NNT: variants seen among roughly 807,000 people sequenced by gnomAD.
The protein encoded by NNT is nicotinamide nucleotide transhydrogenase.
Under a neutral mutation model 104.8 loss-of-function variants are expected in NNT, and 50 were observed. The ratio of observed to expected loss-of-function variants is 0.48; its 90% CI spans 0.38 to 0.60. NNT has a LOEUF of 0.60. Ranked by LOEUF, NNT falls within the 20% of genes least tolerant of loss-of-function variation. NNT has a pLI of 0.00. For synonymous variants in NNT, 461 were observed against 490.4 expected, an observed-to-expected ratio of 0.94 and a Z score of 0.79; for missense variants, 1,131 against 1,330.7, an observed-to-expected ratio of 0.85 and a Z score of 2.33.
At chr5:43,692,901 G>A (rs1287295684) in intron 19 of NNT, among the ~76,000 whole-genome samples, 2 of 152,060 alleles carry the variant, frequency 1.3e-5, no homozygotes, top group African/African-American at 4.8e-5. Context: ...TGCCTTTAAA[G>A]CCATGTGTTT....
intron 1 of NNT, among the ~76,000 whole-genome samples, chr5:43,606,067 A>G (rs1216035306): frequency 1.3e-5 from 2 of 152,148 alleles, no homozygotes; most frequent in African/African-American, 2.4e-5. Context: ...TGCTTTTTTT[A>G]TAGTTGAGCT....
At chr5:43,640,817 CAT>C (rs1025470240) in intron 7 of NNT, among the ~76,000 whole-genome samples, 58 of 150,296 alleles carry the variant, frequency 3.9e-4, no homozygotes, top group African/African-American at 1.2e-3. Flanking sequence ...TCATATATAT[CAT>C]ATATACACAT....
rs1300082995 is a variant in NNT at position 43,613,131 on chromosome 5, G to A, written c.375G>A (p.Val125=). ...GAKEVLASDL[V]VKVRAPMVNP... ...AGGAAGTGCTGGCTTCTGATTTGGTGGTCAAAGTAATTATTCCTTTTTCCT... is the reference window on the plus strand; with the variant it reads ...AGGAAGTGCTGGCTTCTGATTTGGTAGTCAAAGTAATTATTCCTTTTTCCT... Residue 125 remains valine, a synonymous_variant, in exon 3 of 22, where the codon GTG becomes GTA. Coordinates refer to ENST00000344920, the MANE Select transcript of NNT (RefSeq NM_182977.3). 6.2e-7 allele frequency: 1 copy of A among 1,609,998 alleles called. No individual in the cohort carries two copies. Among genetic ancestry groups the A allele is most frequent in the African/African-American group, 1.3e-5 (1 of 74,750 alleles).
Position 43,666,954 on chromosome 5 carries a change from G to A in NNT, c.2634+7604G>A, listed in dbSNP as rs183505438. On this transcript the variant is annotated intron_variant, in intron 17 of 21. Transcript: ENST00000344920. ...GGTGGGCAATGTAGGCAAGTGGATC[G>A]AGCTTGCGGCTGACACCCTTTGGGA... The A allele has an allele frequency of 8.7e-3, 13,808 of 1,588,932 alleles. 75 individuals carry two copies. The highest frequency in any genetic ancestry group is 1.0e-2 in the Non-Finnish European group (11,699 of 1,172,818).
chr5:43,657,916 C>T (rs1740140746), intron 16 of NNT, among the ~76,000 whole-genome samples: 1 of 152,040 alleles, frequency 6.6e-6, no homozygotes, highest in Non-Finnish European at 1.5e-5. Flanking sequence ...GGGTGGATCA[C>T]CTGAGGTCAG....
intron 4 of NNT, among the ~76,000 whole-genome samples, chr5:43,618,409 A>G (rs924821150): frequency 2.0e-5 from 3 of 152,184 alleles, no homozygotes; most frequent in African/African-American, 7.2e-5. Flanking sequence ...CATACTTTGA[A>G]CCATTAGAGA....
chr5:43,615,753 T>C, intron 3 of NNT, 95 bp from the exon 4 acceptor site: 1 of 916,744 alleles, frequency 1.1e-6, no homozygotes, highest in Non-Finnish European at 1.6e-6. Flanking sequence ...TGGAGTATTA[T>C]TTCAGTCATG....
intron 6 of NNT, among the ~76,000 whole-genome samples, chr5:43,625,234 T>C (rs1423714035): frequency 6.6e-6 from 1 of 151,992 alleles, no homozygotes; most frequent in Non-Finnish European, 1.5e-5. Flanking sequence ...TGTATTTGAC[T>C]TAAAGGTGAT....
intron 10 of NNT, among the ~76,000 whole-genome samples, chr5:43,648,805 A>G (rs1399305335): frequency 6.6e-6 from 1 of 152,224 alleles, no homozygotes; most frequent in Non-Finnish European, 1.5e-5. Context: ...CGGGAATAAA[A>G]ATGCTTATAT....
At chr5:43,672,050 A>G (rs1355117148) in intron 17 of NNT, among the ~76,000 whole-genome samples, 2 of 152,278 alleles carry the variant, frequency 1.3e-5, no homozygotes, top group South Asian at 2.1e-4. Flanking sequence ...TCAATCACTG[A>G]TACCCTTTCT....
At chr5:43,665,973 G>A (rs1380089704) in intron 17 of NNT, among the ~76,000 whole-genome samples, 1 of 151,610 alleles carries the variant, frequency 6.6e-6, no homozygotes, top group Non-Finnish European at 1.5e-5. Context: ...CCCCGGCAGA[G>A]GCGCTCTTCA....
chr5:43,637,235 C>T (rs935347386), intron 7 of NNT, among the ~76,000 whole-genome samples: 1 of 152,110 alleles, frequency 6.6e-6, no homozygotes, highest in Non-Finnish European at 1.5e-5. Flanking sequence ...CCAGCTAAAT[C>T]AGAGACTCAT....
intron 6 of NNT, among the ~76,000 whole-genome samples, chr5:43,625,986 G>GT (rs1750340754): frequency 6.6e-6 from 1 of 151,830 alleles, no homozygotes; most frequent in African/African-American, 2.4e-5. Context: ...AATATTTTTA[G>GT]TGGCTGCAGA....
chr5:43,656,622 T>C (rs1398450231), intron 15 of NNT, 31 bp from the exon 16 acceptor site: 1 of 1,568,664 alleles, frequency 6.4e-7, no homozygotes, highest in Non-Finnish European at 8.6e-7. Context: ...CAACACATTC[T>C]GAATTGTAAC....
chr5:43,692,029 C>T (rs1580124108), intron 19 of NNT, among the ~76,000 whole-genome samples: 1 of 152,232 alleles, frequency 6.6e-6, no homozygotes, highest in Middle Eastern at 3.4e-3. Flanking sequence ...TAGGTATTTA[C>T]AAGGAATTAT....
At chr5:43,623,902 C>G in intron 5 of NNT, 130 bp from the exon 6 acceptor site, 1 of 823,880 alleles carries the variant, frequency 1.2e-6, no homozygotes, top group South Asian at 1.4e-5. Flanking sequence ...AAGGGCTGAT[C>G]ATCATTATCA....
Position 43,649,153 on chromosome 5 carries a change from C to T in NNT, c.1451C>T (p.Thr484Ile). ...STASAYTAGLTGILGLGIAAP... is the reference protein window; with the variant it reads ...STASAYTAGLIGILGLGIAAP... Reference sequence around the variant, plus strand: ...CTTTACTCTCTTTCTCTAGGTCTCACAGGGATACTGGGTTTGGGCATTGCG... The same window carrying T: ...CTTTACTCTCTTTCTCTAGGTCTCATAGGGATACTGGGTTTGGGCATTGCG... Residue 484 changes from threonine to isoleucine, a missense_variant, in exon 11 of 22, where the codon ACA becomes ATA. Thr to Ile is a moderately conservative substitution (Grantham distance 89). Transcript: ENST00000344920. The T allele has an allele frequency of 6.2e-7, 1 of 1,614,122 alleles. No homozygotes were observed.
intron 19 of NNT, among the ~76,000 whole-genome samples, chr5:43,683,687 C>T (rs1398855930): frequency 1.3e-5 from 2 of 152,174 alleles, no homozygotes; most frequent in Non-Finnish European, 2.9e-5. Context: ...TGCATTCCAG[C>T]AGCCATTTAA....
At chr5:43,629,385 G>A (rs761502040) in intron 7 of NNT, among the ~76,000 whole-genome samples, 40 of 152,088 alleles carry the variant, frequency 2.6e-4, no homozygotes, top group Non-Finnish European at 4.3e-4. Flanking sequence ...TGGTTGATGC[G>A]CATTTAGGCT....
Sources: allele counts gnomAD v4.1 joint callset (sites outside exome capture counted in the v4.1 genomes callset), GRCh38; gene constraint gnomAD v4.1.1; transcripts MANE v1.5; gene names NCBI Gene and HGNC (gene_info 2026-07-23, HGNC 2026-07-21).